MAFG: variants seen among roughly 807,000 people sequenced by gnomAD.
MAFG encodes MAF bZIP transcription factor G, also known as transcription factor MafG.
In MAFG, 3 loss-of-function variants were observed where a neutral mutation model predicts 12.2. The observed-to-expected ratio is 0.25, with a 90% confidence interval of 0.11 to 0.64. The LOEUF is 0.64. Among genes scored for constraint, MAFG ranks in the 30% least tolerant of loss-of-function variants. The pLI is 0.85. For missense variants in MAFG, 153 were observed against 235.5 expected, an observed-to-expected ratio of 0.65 and a Z score of 2.29; for synonymous variants, 126 against 109.1, an observed-to-expected ratio of 1.15 and a Z score of -0.96.
rs2040887888 is a variant in MAFG at position 81,921,399 on chromosome 17, A to C, written c.*1206T>G. 6.6e-6 allele frequency: 1 copy of C among 152,388 alleles called. No homozygotes were observed. The highest frequency in any genetic ancestry group is 1.5e-5 in the Non-Finnish European group (1 of 68,088). The allele number at this position is 152,388 out of a possible 1,614,324, so 9.4% of individuals were successfully genotyped here. A position where few individuals can be genotyped will look rare whatever the true frequency, so the allele number is the denominator to read the frequency against. ...ACACCCACAGGTCAAAGGTCACCAG[A>C]AGCACCAGCACTTTACCGCTGCACA... On this transcript the variant is annotated 3_prime_UTR_variant, in exon 3 of 3. Coordinates refer to ENST00000357736, the MANE Select transcript of MAFG (RefSeq NM_002359.4).
rs1457724287 is a variant in MAFG at position 81,918,958 on chromosome 17, A to C, written c.*3647T>G. ...GGGTGGAAATGTGTGGGACTGGCCCAGCAGGTATGGTACACACCCAGGACA... is the reference window on the plus strand; with the variant it reads ...GGGTGGAAATGTGTGGGACTGGCCCCGCAGGTATGGTACACACCCAGGACA... On this transcript the variant is annotated 3_prime_UTR_variant, in exon 3 of 3. Coordinates refer to ENST00000357736, the MANE Select transcript of MAFG (RefSeq NM_002359.4). 6.6e-6 allele frequency: 1 copy of C among 152,364 alleles called. No homozygotes were observed. The highest frequency in any genetic ancestry group is 1.5e-5 in the Non-Finnish European group (1 of 68,154). 9.4% of individuals were successfully genotyped at this position (152,364 alleles called of 1,614,324 possible).
chr17:81,922,917 G>C lies in MAFG; in HGVS notation c.177C>G (p.Leu59=), dbSNP rs1201847725. The part of the protein sequence containing the change: ...IVQLKQRRRT[L]KNRGYAASCR... ...AGCTGGCAGCGTAGCCGCGGTTCTT[G>C]AGCGTGCGCCGGCGCTGCTTCAGCT... The change falls in exon 3 of 3, where the codon CTC becomes CTG. Residue 59 remains leucine (L), a synonymous_variant. Coordinates refer to ENST00000357736, the MANE Select transcript of MAFG (RefSeq NM_002359.4). The C allele has an allele frequency of 6.2e-7, 1 of 1,609,718 alleles. No individual in the cohort carries two copies. The highest frequency in any genetic ancestry group is 8.5e-7 in the Non-Finnish European group (1 of 1,178,556).
At position 81,926,701 on chromosome 17, in the gene MAFG, T is replaced by C. The variant is rs1481207072; in HGVS notation, c.-30+827A>G. ...GACCAGCTGCCGGAAAAGAGCCGCC[T>C]GGGAAGGGGTGGACCGCCCGGGGCT... is the stretch of plus-strand genomic sequence containing the variant. On this transcript the variant is annotated intron_variant, in intron 1 of 2. Coordinates refer to ENST00000357736, the MANE Select transcript of MAFG (RefSeq NM_002359.4). The surrounding 1 kb of genome is among the most constrained non-coding windows in gnomAD (Gnocchi z 4.6). Among the ~76,000 whole-genome samples the C allele has an allele frequency of 5.3e-5, 8 of 152,278 alleles. No individual in the cohort carries two copies. The highest frequency in any genetic ancestry group is 1.0e-4 in the Non-Finnish European group (7 of 68,018).
chr17:81,923,032 C>T lies in MAFG; in HGVS notation c.62G>A (p.Gly21Asp). The stretch of plus-strand genomic sequence containing the variant: ...CAGCTCCTCATCCGTCAGGCTGGTG[C>T]CATTCTCACCCGGCTCCCGCTTCAC... ...LKVKREPGEN[G>D]TSLTDEELVT... is the part of the protein sequence containing the mutation. Residue 21 changes from glycine (G) to aspartate (D), a missense_variant, in exon 3 of 3, where the codon GGC (glycine) becomes GAC (aspartate). Around this residue, in one of 3 missense-constraint regions of MAFG, gnomAD observed 43 missense variants for 65.6 expected, o/e 0.66. Coordinates refer to ENST00000357736, the MANE Select transcript of MAFG (RefSeq NM_002359.4). The T allele has an allele frequency of 3.8e-6, 6 of 1,597,542 alleles. No individual in the cohort carries two copies. Among genetic ancestry groups the T allele is most frequent in the Non-Finnish European group, 5.1e-6 (6 of 1,171,780 alleles).
rs1407696911 is a variant in MAFG at position 81,920,872 on chromosome 17, C to A, written c.*1733G>T. 6.6e-6 allele frequency: 1 copy of A among 152,460 alleles called. No individual in the cohort carries two copies. The highest frequency in any genetic ancestry group is 2.4e-5 in the African/African-American group (1 of 41,464). The allele number at this position is 152,460 out of a possible 1,614,324, so 9.4% of individuals were successfully genotyped here. On this transcript the variant is annotated 3_prime_UTR_variant, in exon 3 of 3. Coordinates refer to ENST00000357736, the MANE Select transcript of MAFG (RefSeq NM_002359.4). ...GGAAGAAAGGGCGGTGCCCGGTGGG[C>A]CCCCACCCACTCTGCCTGGAAGCAC...
In MAFG at chr17:81,924,130, G is replaced by A. The variant is rs983367927; in HGVS notation, c.-29-916C>T. 1 of 152,292 alleles carries A rather than the reference G, an allele frequency of 6.6e-6. No individual in the cohort carries two copies. The highest frequency in any genetic ancestry group is 2.4e-5 in the African/African-American group (1 of 41,464). The allele number at this position is 152,292 out of a possible 1,614,324, so 9.4% of individuals were successfully genotyped here. On this transcript the variant is annotated intron_variant, in intron 1 of 2. Coordinates refer to ENST00000357736, the MANE Select transcript of MAFG (RefSeq NM_002359.4). This position sits in a 1 kb window ranked among gnomAD's most constrained non-coding sequence, Gnocchi z 4.7. ...AGGGTATTTCACAAGGGCTCCCACA[G>A]TGAGCCACCCCGGGCCTGCCCAACG...
Position 81,924,291 on chromosome 17 carries a change from C to T in MAFG, c.-29-1077G>A, listed in dbSNP as rs1028204610. On this transcript the variant is annotated intron_variant, in intron 1 of 2. Coordinates refer to ENST00000357736, the MANE Select transcript of MAFG (RefSeq NM_002359.4). The surrounding 1 kb of genome is among the most constrained non-coding windows in gnomAD (Gnocchi z 4.7). ...ACTTAACAACCAACTCTTCCCCACT[C>T]GGGGTCCCTCCAGCACTCTGCTCTC... 9 of 152,326 alleles carry T rather than the reference C, an allele frequency of 5.9e-5. No individual in the cohort carries two copies. The highest frequency in any genetic ancestry group is 8.8e-5 in the Non-Finnish European group (6 of 68,116). The allele number at this position is 152,326 out of a possible 1,614,324, so 9.4% of individuals were successfully genotyped here. A position where few individuals can be genotyped will look rare whatever the true frequency, so the allele number is the denominator to read the frequency against.
At chr17:81,931,038 A>G (rs2040982012), upstream of MAFG, among the ~76,000 whole-genome samples, 1 of 152,168 alleles carries the variant, frequency 6.6e-6, no homozygotes, top group Admixed American at 6.5e-5. Flanking sequence ...ACCTCCCCAC[A>G]GCCTGCCTCA....
In MAFG at chr17:81,926,720, C is replaced by G. The variant is rs568023386; in HGVS notation, c.-30+808G>C. 2.7e-4 allele frequency among the ~76,000 whole-genome samples: 41 copies of G among 152,298 alleles called. 1 individual carries two copies. The South Asian group carries it at 8.5e-3, about 32-fold the overall frequency. ...GCCGCCTGGGAAGGGGTGGACCGCCCGGGGCTTCACCTTTGACCCCGGGAG... is the reference window on the plus strand; with the variant it reads ...GCCGCCTGGGAAGGGGTGGACCGCCGGGGGCTTCACCTTTGACCCCGGGAG... On this transcript the variant is annotated intron_variant, in intron 1 of 2. Transcript: ENST00000357736. The surrounding 1 kb of genome is among the most constrained non-coding windows in gnomAD (Gnocchi z 4.6).
upstream of MAFG, chr17:81,928,453 G>T (rs1369620467): frequency 1.3e-5 from 2 of 151,966 alleles, no homozygotes; most frequent in African/African-American, 4.8e-5. The surrounding 1 kb of genome is among the most constrained non-coding windows in gnomAD (Gnocchi z 8.1). Flanking sequence ...CAGGTGAGCG[G>T]GGAGGAAGGG....
At position 81,922,668 on chromosome 17, in the gene MAFG, T is replaced by C; in HGVS notation, c.426A>G (p.Pro142=). Residue 142 remains proline, a synonymous_variant, in exon 3 of 3, where the codon CCA becomes CCG. Transcript: ENST00000357736. ...PLAAGLGPLV[P]GKVAATSVIT... is the part of the protein sequence containing the mutation. ...TGACGCTGGTGGCGGCCACCTTGCC[T>C]GGGACGAGGGGCCCCAGGCCGGCGG... 1 of 1,506,668 alleles carries C rather than the reference T, an allele frequency of 6.6e-7. No homozygotes were observed. The highest frequency in any genetic ancestry group is 1.4e-5 in the African/African-American group (1 of 70,872). The allele number at this position is 1,506,668 out of a possible 1,614,324, so 93.3% of individuals were successfully genotyped here.
upstream of MAFG, chr17:81,929,864 C>T (rs2040970967): frequency 6.6e-6 from 1 of 150,524 alleles, no homozygotes; most frequent in African/African-American, 2.6e-5. The surrounding 1 kb of genome is among the most constrained non-coding windows in gnomAD (Gnocchi z 5.7). Flanking sequence ...CCCCAGGCTG[C>T]ACCTTCTGTG....
Position 81,920,185 on chromosome 17 carries a change from G to A in MAFG, c.*2420C>T, listed in dbSNP as rs2040876483. On this transcript the variant is annotated 3_prime_UTR_variant, in exon 3 of 3. Transcript: ENST00000357736. ...CTACTTAGACAAGATCAGACTGAGG[G>A]GAGGGGGATGAAGTCACTAAATGAC... The A allele has an allele frequency of 6.6e-6, 1 of 152,196 alleles. No individual in the cohort carries two copies. The highest frequency in any genetic ancestry group is 2.4e-5 in the African/African-American group (1 of 41,432). The allele number at this position is 152,196 out of a possible 1,614,324, so 9.4% of individuals were successfully genotyped here.
intron 1 of MAFG, among the ~76,000 whole-genome samples, chr17:81,925,625 G>A (rs1286794482): frequency 2.0e-5 from 3 of 152,132 alleles, no homozygotes; most frequent in South Asian, 4.2e-4. Context: ...TGGCTAACAC[G>A]GTGAAACCCC....
intron 1 of MAFG, among the ~76,000 whole-genome samples, chr17:81,925,484 T>TA (rs1287833410): frequency 6.6e-6 from 1 of 152,186 alleles, no homozygotes; most frequent in Non-Finnish European, 1.5e-5. Flanking sequence ...ACCTAAAACT[T>TA]AGTTTCCACT....
chr17:81,923,276 G>A (rs978189937), intron 1 of MAFG, 62 bp from the exon 2 acceptor site: 34 of 750,430 alleles, frequency 4.5e-5, no homozygotes, highest in Middle Eastern at 4.5e-4. Flanking sequence ...CCCCCCCCCC[G>A]CCCCCGGCCC....
At chr17:81,928,725 G>C (rs894655826), upstream of MAFG, among the ~76,000 whole-genome samples, 2 of 152,240 alleles carry the variant, frequency 1.3e-5, no homozygotes, top group Non-Finnish European at 2.9e-5. This position sits in a 1 kb window ranked among gnomAD's most constrained non-coding sequence, Gnocchi z 8.1. Context: ...CTAGGGGCAT[G>C]ATATGGTCCT....
rs1006725221 is a variant in MAFG, at chr17:81,922,483, G to A, written c.*122C>T. ...TGGGGTACAGGTTGTGCTTTGCAGG[G>A]AAGAGAGAAGGGTGGGGAAGAGAGG... is the stretch of plus-strand genomic sequence containing the variant. On this transcript the variant is annotated 3_prime_UTR_variant, in exon 3 of 3. Coordinates refer to ENST00000357736, the MANE Select transcript of MAFG (RefSeq NM_002359.4). 1.3e-6 allele frequency: 1 copy of A among 786,312 alleles called. No homozygotes were observed. The allele number at this position is 786,312 out of a possible 1,614,324, so 48.7% of individuals were successfully genotyped here.
Position 81,921,739 on chromosome 17 carries a change from C to T in MAFG, c.*866G>A, listed in dbSNP as rs1672170119. 6.6e-6 allele frequency: 1 copy of T among 150,810 alleles called. No homozygotes were observed. The highest frequency in any genetic ancestry group is 1.5e-5 in the Non-Finnish European group (1 of 67,748). The allele number at this position is 150,810 out of a possible 1,614,324, so 9.3% of individuals were successfully genotyped here. The stretch of plus-strand genomic sequence containing the variant: ...GCAAAGTTTCTATTATACTTTCTTC[C>T]CTTTTCCATTCATATGGTCAAATGG... On this transcript the variant is annotated 3_prime_UTR_variant, in exon 3 of 3. Transcript: ENST00000357736.
Sources: gnomAD v4.1 joint callset for allele counts (sites outside exome capture counted in the v4.1 genomes callset) on GRCh38, gnomAD v4.1.1 for gene constraint, gnomAD v4.1.1 regional missense constraint, Gnocchi (gnomAD v3.1) non-coding constraint, MANE v1.5 for transcripts, NCBI Gene and HGNC (gene_info 2026-07-23, HGNC 2026-07-21) for gene names.